EFL1: variants seen among roughly 807,000 people sequenced by gnomAD.
EFL1 encodes the protein elongation factor-like GTPase 1.
In EFL1, 76 loss-of-function variants were observed where a neutral mutation model predicts 126.7. The ratio of observed to expected loss-of-function variants is 0.60; its 90% confidence interval spans 0.50 to 0.73. The LOEUF (loss-of-function observed/expected upper bound fraction) is 0.73. Among genes scored for constraint, EFL1 ranks in the 30% least tolerant of loss-of-function variants. The pLI, the probability that EFL1 is intolerant of heterozygous loss-of-function variation, is 0.00. For missense variants in EFL1, 1,128 were observed against 1,343.2 expected (o/e 0.84, Z 2.50); for synonymous variants, 410 against 448.4 (o/e 0.91, Z 1.08).
chr15:82,133,284 G>A (rs983049466), intron 19 of EFL1, among the ~76,000 whole-genome samples: 1 of 152,134 alleles, frequency 6.6e-6, no homozygotes, highest in African/African-American at 2.4e-5. Context: ...TGGCATTATG[G>A]TTCTTGCGGC....
At position 82,163,887 on chromosome 15, in the gene EFL1, A is replaced by C. The variant is rs1338215259; in HGVS notation, c.1848T>G (p.Pro616=). 24 of 1,614,022 alleles carry C rather than the reference A, an allele frequency of 1.5e-5. No homozygotes were observed. The highest frequency in any genetic ancestry group is 1.8e-5 in the Non-Finnish European group (21 of 1,180,010). The change falls in exon 16 of 20, where the codon CCT becomes CCG. Residue 616 remains proline, a synonymous_variant. Coordinates refer to ENST00000268206, the MANE Select transcript of EFL1 (RefSeq NM_024580.6). ...PFIPLNFEAT[P]IVRVAVEPKH... ...TTGGTTCAACAGCAACTCTCACAAT[A>C]GGAGTGGCTTCGAAGTTGAGTGGTA...
intron 15 of EFL1, among the ~76,000 whole-genome samples, chr15:82,168,003 C>G (rs1338249505): frequency 6.6e-6 from 1 of 152,214 alleles, no homozygotes; most frequent in Admixed American, 6.5e-5. Context: ...AACATCCATA[C>G]AGCCTCATGC....
rs1324791890 is a variant in EFL1 at position 82,228,149 on chromosome 15, T to G, written c.1069+42A>C. The G allele has an allele frequency of 3.2e-6, 5 of 1,556,818 alleles. No individual in the cohort carries two copies. The South Asian group carries it at 6.1e-5, about 19-fold the overall frequency. On this transcript the variant is annotated intron_variant, in intron 10 of 19. Coordinates refer to ENST00000268206, the MANE Select transcript of EFL1 (RefSeq NM_024580.6). ...CATAACGCATTGTTTTTTCTAGCTTTATCAAAACTATTTCATTAAAAACCA... is the reference window on the plus strand; with the variant it reads ...CATAACGCATTGTTTTTTCTAGCTTGATCAAAACTATTTCATTAAAAACCA...
chr15:82,198,213 T>C (rs1179654949), intron 15 of EFL1, among the ~76,000 whole-genome samples: 4 of 152,290 alleles, frequency 2.6e-5, no homozygotes, highest in Admixed American at 2.6e-4. Flanking sequence ...CTCAGTGCAG[T>C]TGTGACCCTG....
At chr15:82,235,928 CAT>C (rs1256278528) in intron 7 of EFL1, among the ~76,000 whole-genome samples, 1 of 152,130 alleles carries the variant, frequency 6.6e-6, no homozygotes, top group African/African-American at 2.4e-5. Flanking sequence ...ATGATAGTCT[CAT>C]AGCAAATTCC....
Position 82,191,587 on chromosome 15 carries a change from C to A in EFL1, c.1750+23130G>T, listed in dbSNP as rs548892725. ...TGATTCCTTAGTGCTTGGATGAGGG[C>A]AAGCACTCATCCAGTGAGTGCTTTC... is the stretch of plus-strand genomic sequence containing the variant. On this transcript the variant is annotated intron_variant, in intron 15 of 19. Coordinates refer to ENST00000268206, the MANE Select transcript of EFL1 (RefSeq NM_024580.6). Among the ~76,000 whole-genome samples, 65 of 149,726 alleles carry A rather than the reference C, an allele frequency of 4.3e-4. 1 individual carries two copies. The Middle Eastern group carries it at 0.017, about 40-fold the overall frequency.
At chr15:82,141,046 T>A (rs930808666) in intron 18 of EFL1, among the ~76,000 whole-genome samples, 12 of 152,204 alleles carry the variant, frequency 7.9e-5, no homozygotes, top group African/African-American at 2.7e-4. Flanking sequence ...AATTACCCTG[T>A]AAGCTACTCA....
intron 15 of EFL1, chr15:82,174,420 T>C (rs1007355651): frequency 6.6e-6 from 1 of 152,218 alleles, no homozygotes; most frequent in Admixed American, 6.5e-5. Context: ...TAAAAATAAC[T>C]AGAAGTTAAA....
chr15:82,256,271 G>T (rs1051308369), intron 3 of EFL1, among the ~76,000 whole-genome samples: 1 of 151,990 alleles, frequency 6.6e-6, no homozygotes, highest in African/African-American at 2.4e-5. Flanking sequence ...CACCATGCCC[G>T]GCACAGGTAC....
chr15:82,163,934 G>C lies in EFL1; in HGVS notation c.1801C>G (p.Leu601Val). The C allele has an allele frequency of 6.2e-7, 1 of 1,614,094 alleles. No homozygotes were observed. Among genetic ancestry groups the C allele is most frequent in the Admixed American group, 1.7e-5 (1 of 60,006 alleles). Residue 601 changes from leucine (L) to valine (V), a missense_variant, in exon 16 of 20, where the codon CTG (leucine) becomes GTG (valine). Physicochemically the swap from Leu to Val is conservative, Grantham distance 32 (BLOSUM62 1). Coordinates refer to ENST00000268206, the MANE Select transcript of EFL1 (RefSeq NM_024580.6). Reference sequence around the variant, plus strand: ...GGTATAAATGGTGGGCAGGATGGCAGGCTACACAGTGTTGCAGATTTCAGC... The same window carrying C: ...GGTATAAATGGTGGGCAGGATGGCACGCTACACAGTGTTGCAGATTTCAGC... ...FVLKSATLCS[L>V]PSCPPFIPLN... is the part of the protein sequence containing the mutation.
At chr15:82,221,321 G>A (rs1160732277) in intron 12 of EFL1, among the ~76,000 whole-genome samples, 2 of 151,936 alleles carry the variant, frequency 1.3e-5, no homozygotes, top group South Asian at 2.1e-4. Flanking sequence ...TCCTCTCTCC[G>A]TAAGCACTGG....
At chr15:82,254,502 G>A (rs901294101) in intron 3 of EFL1, among the ~76,000 whole-genome samples, 1 of 151,938 alleles carries the variant, frequency 6.6e-6, no homozygotes, top group Non-Finnish European at 1.5e-5. Flanking sequence ...AGTACCCTGT[G>A]CCCCTGGCTT....
intron 15 of EFL1, among the ~76,000 whole-genome samples, chr15:82,213,443 A>G (rs547922204): frequency 7.9e-5 from 12 of 152,346 alleles, no homozygotes; most frequent in Admixed American, 5.9e-4. Context: ...CTCCTTATAC[A>G]CCACTTAACC....
intron 15 of EFL1, among the ~76,000 whole-genome samples, chr15:82,186,071 T>C (rs1367103888): frequency 1.3e-5 from 2 of 151,150 alleles, no homozygotes; most frequent in Non-Finnish European, 3.0e-5. Context: ...TAGTATCTTC[T>C]TTTTTTTTGT....
intron 14 of EFL1, 149 bp downstream of exon 14, chr15:82,219,503 G>T: frequency 1.1e-6 from 1 of 872,704 alleles, no homozygotes; most frequent in Non-Finnish European, 1.7e-6. Flanking sequence ...TGTTATCAAA[G>T]CAACACAAAA....
At chr15:82,149,572 G>C (rs1337894821) in intron 18 of EFL1, among the ~76,000 whole-genome samples, 1 of 152,164 alleles carries the variant, frequency 6.6e-6, no homozygotes, top group African/African-American at 2.4e-5. Flanking sequence ...TTCAAATATA[G>C]TTGCTTTAAG....
At chr15:82,184,602 A>G (rs546598197) in intron 15 of EFL1, among the ~76,000 whole-genome samples, 2 of 152,356 alleles carry the variant, frequency 1.3e-5, no homozygotes, top group South Asian at 4.1e-4. Context: ...AACTAAAAGC[A>G]TAGTCTAAAA....
intron 6 of EFL1, 129 bp from the exon 7 acceptor site, chr15:82,238,650 T>G (rs2074899302): frequency 2.8e-6 from 2 of 713,780 alleles, no homozygotes; most frequent in Non-Finnish European, 4.7e-6. Context: ...CATACATGAA[T>G]GGAGGTGACA....
At chr15:82,163,596 G>C (rs1362379745) in intron 16 of EFL1, among the ~76,000 whole-genome samples, 1 of 152,122 alleles carries the variant, frequency 6.6e-6, no homozygotes, top group Non-Finnish European at 1.5e-5. Flanking sequence ...CCTATGCCAG[G>C]GTTGTGGGGG....
Sources: gnomAD v4.1 joint callset for allele counts (sites outside exome capture counted in the v4.1 genomes callset) on GRCh38, gnomAD v4.1.1 for gene constraint, MANE v1.5 for transcripts, NCBI Gene and HGNC (gene_info 2026-07-23, HGNC 2026-07-21) for gene names.